TET3: variants seen among roughly 807,000 people sequenced by gnomAD.
TET3 encodes methylcytosine dioxygenase TET3.
Under a neutral mutation model 141.4 loss-of-function variants are expected in TET3, and 19 were observed. That is an observed-to-expected ratio of 0.13 (90% CI 0.09 to 0.20). The LOEUF is 0.20. Ranked by LOEUF, TET3 falls within the 10% of genes least tolerant of loss-of-function variation. The pLI is 1.00. For synonymous variants in TET3, 1,043 were observed against 980.9 expected, an observed-to-expected ratio of 1.06 and a Z score of -1.18; for missense variants, 1,874 against 2,356.9, an observed-to-expected ratio of 0.80 and a Z score of 4.24.
rs762359864 is a variant in TET3 at position 74,047,159 on chromosome 2, C to T, written c.1242C>T (p.His414=). 98 of 1,613,858 alleles carry T rather than the reference C, an allele frequency of 6.1e-5. No homozygotes were observed. Among genetic ancestry groups the T allele is most frequent in the Admixed American group, 8.3e-5 (5 of 59,998 alleles). The part of the protein sequence containing the change: ...PSWPVVPPEE[H]SSFAPDSSAF... ...GGCCTGTGGTTCCTCCTGAAGAGCA[C>T]TCATCTTTTGCTCCTGATAGCTCTG... The change falls in exon 4 of 12, where the codon CAC becomes CAT. Residue 414 remains histidine (H), a synonymous_variant. Transcript: ENST00000409262.
the TET3 span, chr2:74,122,511 A>ATTTTTTTTTT: frequency 2.9e-4 from 14 of 47,552 alleles, no homozygotes; most frequent in Non-Finnish European, 4.2e-4. Flanking sequence ...ATATATATAT[A>ATTTTTTTTTT]TTTTTTTTTT....
chr2:74,131,534 G>A, the TET3 span, among the ~76,000 whole-genome samples: 2 of 152,152 alleles, frequency 1.3e-5, no homozygotes, highest in Admixed American at 6.5e-5. Flanking sequence ...CCCCTACACT[G>A]CTAGTTAGGT....
rs368680846 is a variant in TET3, at chr2:74,048,202, C to T, written c.2285C>T (p.Ser762Leu). Residue 762 changes from serine to leucine, a missense_variant, in exon 4 of 12, where the codon TCG becomes TTG. By Grantham distance (145) the Ser-to-Leu change is moderately radical (BLOSUM62 -2). Transcript: ENST00000409262. ...CCCAAGCAAATCAAGATTGAGTCTT[C>T]GGGGGCTGTGACTGTGCTCTCAACC... ...RSPKQIKIES[S>L]GAVTVLSTTC... The T allele has an allele frequency of 3.1e-6, 5 of 1,612,394 alleles. No individual in the cohort carries two copies. The highest frequency in any genetic ancestry group is 4.2e-6 in the Non-Finnish European group (5 of 1,179,242).
At chr2:74,109,796 G>T (rs995588164), downstream of TET3, among the ~76,000 whole-genome samples, 3 of 152,152 alleles carry the variant, frequency 2.0e-5, no homozygotes, top group African/African-American at 7.2e-5. Context: ...GTTCCAGATG[G>T]GATCCGGCTC....
chr2:74,109,585 G>A (rs553141206), downstream of TET3, among the ~76,000 whole-genome samples: 49 of 152,324 alleles, frequency 3.2e-4, no homozygotes, highest in Non-Finnish European at 6.3e-4. Flanking sequence ...GTGCCTCCAT[G>A]TAAATCCCAC....
rs1240395787 is a variant in TET3 at position 74,046,191 on chromosome 2, G to A, written c.361-87G>A. The stretch of plus-strand genomic sequence containing the variant: ...TTTGCAAGAAAAGTTGGGGTCAGAT[G>A]TGCACCTGAGTGGTATGAAGCAGGG... On this transcript the variant is annotated intron_variant, in intron 3 of 11. Coordinates refer to ENST00000409262, the MANE Select transcript of TET3 (RefSeq NM_001287491.2). The surrounding 1 kb of genome is among the most constrained non-coding windows in gnomAD (Gnocchi z 4.3). 34 of 1,259,024 alleles carry A rather than the reference G, an allele frequency of 2.7e-5. No individual in the cohort carries two copies. The South Asian group carries it at 6.9e-4, about 25-fold the overall frequency. 78.0% of individuals were successfully genotyped at this position (1,259,024 alleles called of 1,614,324 possible).
At chr2:73,988,732 G>A (rs1684169786) in intron 2 of TET3, among the ~76,000 whole-genome samples, 1 of 152,174 alleles carries the variant, frequency 6.6e-6, no homozygotes, top group Admixed American at 6.5e-5. Flanking sequence ...CTGATCTGTG[G>A]AGTTCTCTGT....
chr2:74,105,382 T>C lies in TET3; in HGVS notation c.*3206T>C. The C allele has an allele frequency of 2.5e-6, 1 of 398,610 alleles. No individual in the cohort carries two copies. Among genetic ancestry groups the C allele is most frequent in the Non-Finnish European group, 4.4e-6 (1 of 226,064 alleles). The allele number at this position is 398,610 out of a possible 1,614,324, so 24.7% of individuals were successfully genotyped here. On this transcript the variant is annotated 3_prime_UTR_variant, in exon 12 of 12. Transcript: ENST00000409262. Reference sequence around the variant, plus strand: ...TTGTAAAGTTCTGTGCTACGAGATTTTTAAAATAAAAATCGCTTCGCAGCA... The same window carrying C: ...TTGTAAAGTTCTGTGCTACGAGATTCTTAAAATAAAAATCGCTTCGCAGCA...
intron 3 of TET3, among the ~76,000 whole-genome samples, chr2:74,015,665 A>G (rs1038413965): frequency 6.6e-6 from 1 of 152,296 alleles, no homozygotes; most frequent in Middle Eastern, 3.4e-3. Flanking sequence ...TTTTGCAATT[A>G]TAAATGTTGA....
chr2:74,026,209 G>A (rs1686347309), intron 3 of TET3, among the ~76,000 whole-genome samples: 1 of 152,148 alleles, frequency 6.6e-6, no homozygotes, highest in Non-Finnish European at 1.5e-5. Context: ...ATCGCTGGGG[G>A]GAGAGAGGGA....
intron 6 of TET3, among the ~76,000 whole-genome samples, chr2:74,081,184 A>C (rs544843640): frequency 6.6e-6 from 1 of 152,296 alleles, no homozygotes; most frequent in African/African-American, 2.4e-5. Context: ...TCACAGGGAG[A>C]ACATCAGTGA....
chr2:74,101,395 C>A lies in TET3; in HGVS notation c.4607C>A (p.Ala1536Glu). The A allele has an allele frequency of 2.5e-6, 4 of 1,613,908 alleles. No individual in the cohort carries two copies. Among genetic ancestry groups the A allele is most frequent in the Non-Finnish European group, 3.4e-6 (4 of 1,179,860 alleles). ...AGPSLTEKPW[A>E]LGAGDFNSAL... The stretch of plus-strand genomic sequence containing the variant: ...CCCAGCCTGACTGAGAAGCCGTGGG[C>A]GCTGGGGGCAGGGGATTTCAACTCG... The change falls in exon 12 of 12, where the codon GCG (alanine) becomes GAG (glutamate). Residue 1536 changes from alanine (A) to glutamate (E), a missense_variant. Ala to Glu is a moderately radical substitution (Grantham distance 107). This residue lies in a region of TET3 where 602 missense variants were observed against 590.2 expected (regional missense o/e 1.02). Transcript: ENST00000409262. This position sits in a 1 kb window ranked among gnomAD's most constrained non-coding sequence, Gnocchi z 8.5.
intron 3 of TET3, among the ~76,000 whole-genome samples, chr2:74,039,094 C>A (rs1267522459): frequency 6.6e-6 from 1 of 152,194 alleles, no homozygotes; most frequent in Non-Finnish European, 1.5e-5. Flanking sequence ...CTGCAAGATG[C>A]CTGAATGCCC....
At position 73,997,016 on chromosome 2, in the gene TET3, T is replaced by C. The variant is rs143926340; in HGVS notation, c.304-6094T>C. ...TGACTGGTACGAATTCTAGCTCTGT[T>C]GTGTCCTACCTCTACCACACCTAAC... On this transcript the variant is annotated intron_variant, in intron 2 of 11. Coordinates refer to ENST00000409262, the MANE Select transcript of TET3 (RefSeq NM_001287491.2). Among the ~76,000 whole-genome samples, 1,438 of 152,356 alleles carry C rather than the reference T, an allele frequency of 9.4e-3. 29 individuals carry two copies. The highest frequency in any genetic ancestry group is 0.033 in the African/African-American group (1,366 of 41,568).
At position 74,048,055 on chromosome 2, in the gene TET3, A is replaced by G; in HGVS notation, c.2138A>G (p.Gln713Arg). ...ADDKLEELIRQFEAEFGDSFG... is the reference protein window; with the variant it reads ...ADDKLEELIRRFEAEFGDSFG... Reference sequence around the variant, plus strand: ...GACAAGCTGGAAGAGCTCATCCGGCAGTTTGAGGCTGAATTTGGAGATAGC... The same window carrying G: ...GACAAGCTGGAAGAGCTCATCCGGCGGTTTGAGGCTGAATTTGGAGATAGC... Residue 713 changes from glutamine to arginine, a missense_variant, in exon 4 of 12, where the codon CAG (glutamine) becomes CGG (arginine). This residue lies in a region of TET3 where 484 missense variants were observed against 462.2 expected (regional missense o/e 1.05). Coordinates refer to ENST00000409262, the MANE Select transcript of TET3 (RefSeq NM_001287491.2). 1 of 1,612,086 alleles carries G rather than the reference A, an allele frequency of 6.2e-7. No homozygotes were observed. Among genetic ancestry groups the G allele is most frequent in the South Asian group, 1.1e-5 (1 of 90,884 alleles).
Position 74,099,258 on chromosome 2 carries a change from C to T in TET3, c.3268-18C>T, listed in dbSNP as rs761688422. On this transcript the variant is annotated intron_variant, in intron 10 of 11. Coordinates refer to ENST00000409262, the MANE Select transcript of TET3 (RefSeq NM_001287491.2). ...GTCCCCCAACCCCATGTCCTCTCTCCCCCACTGCTTGGGGCAGGTCTGCAC... is the reference window on the plus strand; with the variant it reads ...GTCCCCCAACCCCATGTCCTCTCTCTCCCACTGCTTGGGGCAGGTCTGCAC... The T allele has an allele frequency of 9.6e-6, 15 of 1,557,838 alleles. 1 individual carries two copies. The South Asian group carries it at 1.5e-4, about 16-fold the overall frequency.
At chr2:74,031,308 T>G (rs1383287721) in intron 3 of TET3, among the ~76,000 whole-genome samples, 1 of 151,930 alleles carries the variant, frequency 6.6e-6, no homozygotes, top group Non-Finnish European at 1.5e-5. Context: ...GAGTGGGTGA[T>G]CTGCTGCCAC....
chr2:74,024,197 G>A (rs1573717818), intron 3 of TET3, among the ~76,000 whole-genome samples: 3 of 152,308 alleles, frequency 2.0e-5, no homozygotes, highest in South Asian at 2.1e-4. Context: ...CTTTCAGTTA[G>A]CAAGGGCTTG....
chr2:74,000,565 G>A (rs1684796204), intron 2 of TET3, among the ~76,000 whole-genome samples: 1 of 152,102 alleles, frequency 6.6e-6, no homozygotes, highest in Admixed American at 6.6e-5. Context: ...CAGGCAGAAG[G>A]AGCAGCACCG....
Sources: gnomAD v4.1 joint callset for allele counts (sites outside exome capture counted in the v4.1 genomes callset) on GRCh38, gnomAD v4.1.1 for gene constraint, gnomAD v4.1.1 regional missense constraint, Gnocchi (gnomAD v3.1) non-coding constraint, MANE v1.5 for transcripts, NCBI Gene and HGNC (gene_info 2026-07-23, HGNC 2026-07-21) for gene names.